GFRA1: variants seen among roughly 807,000 people sequenced by gnomAD.
GFRA1 encodes the protein GDNF family receptor alpha 1.
GFRA1 carries 16 observed loss-of-function variants against 51.6 expected under a neutral mutation model. That is an observed-to-expected ratio of 0.31 (90% CI 0.21 to 0.47). The LOEUF is 0.47. Ranked by LOEUF, GFRA1 falls within the 20% of genes least tolerant of loss-of-function variation. GFRA1 has a pLI of 1.00. For synonymous variants in GFRA1, 270 were observed against 241.3 expected (o/e 1.12, Z -1.10); for missense variants, 530 against 594.3 (o/e 0.89, Z 1.13).
chr10:116,193,433 CCA>C (rs2134334939), intron 5 of GFRA1, among the ~76,000 whole-genome samples: 1 of 152,202 alleles, frequency 6.6e-6, no homozygotes, highest in African/African-American at 2.4e-5. Flanking sequence ...GTGAACAAAA[CCA>C]CACTTTGGGA....
At chr10:116,172,227 C>T (rs1191215564) in intron 5 of GFRA1, among the ~76,000 whole-genome samples, 3 of 152,048 alleles carry the variant, frequency 2.0e-5, no homozygotes, top group East Asian at 3.9e-4. Context: ...TCTGCTGTGC[C>T]GTTTGCTCAC....
At chr10:116,253,725 AT>A (rs544301355) in intron 4 of GFRA1, among the ~76,000 whole-genome samples, 6 of 151,988 alleles carry the variant, frequency 3.9e-5, no homozygotes, top group African/African-American at 2.4e-5. Context: ...AAAGCATGTA[AT>A]TTTTTTTCTG....
intron 5 of GFRA1, among the ~76,000 whole-genome samples, chr10:116,199,985 T>G (rs973836861): frequency 1.3e-5 from 2 of 152,260 alleles, no homozygotes; most frequent in Admixed American, 1.3e-4. Flanking sequence ...TGCCCTCTTT[T>G]GCGAAGGACT....
intron 5 of GFRA1, among the ~76,000 whole-genome samples, chr10:116,181,879 G>A (rs1962262411): frequency 1.3e-5 from 2 of 152,140 alleles, no homozygotes; most frequent in Admixed American, 1.3e-4. Flanking sequence ...TCCTGACCTC[G>A]TGATCCACCC....
chr10:116,203,864 C>T (rs2694760), intron 5 of GFRA1, among the ~76,000 whole-genome samples: 4,048 of 152,310 alleles, frequency 0.027, 135 homozygotes, highest in African/African-American at 0.077. Context: ...GGCTTGCCTA[C>T]GCTATGGGAA....
At chr10:116,144,207 TAG>T (rs1958695924) in intron 5 of GFRA1, among the ~76,000 whole-genome samples, 1 of 152,184 alleles carries the variant, frequency 6.6e-6, no homozygotes, top group Non-Finnish European at 1.5e-5. Context: ...ATTAATGAGA[TAG>T]AGATATATTT....
chr10:116,074,616 GCAAAGGGGCA>G (rs1206761033), intron 9 of GFRA1, among the ~76,000 whole-genome samples: 1 of 152,222 alleles, frequency 6.6e-6, no homozygotes, highest in Non-Finnish European at 1.5e-5. Context: ...GGTCCCTGCA[GCAAAGGGGCA>G]GGCAGGGGAC....
At chr10:116,267,435 C>T (rs1969749173) in intron 4 of GFRA1, among the ~76,000 whole-genome samples, 1 of 152,136 alleles carries the variant, frequency 6.6e-6, no homozygotes, top group Non-Finnish European at 1.5e-5. Flanking sequence ...CACTGCACTC[C>T]AGCCTGGGCC....
At chr10:116,249,937 G>A (rs570788101) in intron 4 of GFRA1, among the ~76,000 whole-genome samples, 9 of 152,180 alleles carry the variant, frequency 5.9e-5, no homozygotes, top group Non-Finnish European at 7.3e-5. Context: ...AAGAATGAAC[G>A]AGGAGGGAGT....
At chr10:116,121,977 C>A (rs1469091308) in intron 6 of GFRA1, among the ~76,000 whole-genome samples, 2 of 152,186 alleles carry the variant, frequency 1.3e-5, no homozygotes, top group Admixed American at 6.5e-5. Flanking sequence ...GCCAACCTAG[C>A]AGCTCAAATT....
chr10:116,271,217 C>A, intron 2 of GFRA1, 102 bp from the exon 3 acceptor site: 1 of 919,968 alleles, frequency 1.1e-6, no homozygotes, highest in South Asian at 1.7e-5. Context: ...GCTTGACCAG[C>A]CTTCGGGGGC....
chr10:116,207,173 A>G (rs1052270613), intron 5 of GFRA1, among the ~76,000 whole-genome samples: 1 of 152,122 alleles, frequency 6.6e-6, no homozygotes, highest in African/African-American at 2.4e-5. Context: ...CTCTCATTTT[A>G]CAGATGAGGA....
intron 2 of GFRA1, among the ~76,000 whole-genome samples, chr10:116,271,423 G>A (rs1359568111): frequency 6.6e-6 from 1 of 152,006 alleles, no homozygotes. Context: ...GGGGCATCCT[G>A]GCCTGAGCAA....
intron 5 of GFRA1, among the ~76,000 whole-genome samples, chr10:116,155,808 G>C (rs1026139054): frequency 3.9e-5 from 6 of 152,158 alleles, no homozygotes; most frequent in African/African-American, 1.4e-4. Context: ...CACAGGCAGT[G>C]CCAGAGACAT....
chr10:116,255,752 C>G, intron 4 of GFRA1: 1 of 1,288,444 alleles, frequency 7.8e-7, no homozygotes, highest in Non-Finnish European at 1.0e-6. Flanking sequence ...TGGCATTGCA[C>G]TCTGCACTTT....
intron 5 of GFRA1, among the ~76,000 whole-genome samples, chr10:116,197,839 C>T (rs576188246): frequency 1.3e-5 from 2 of 152,110 alleles, no homozygotes; most frequent in Non-Finnish European, 2.9e-5. Flanking sequence ...CAGCTACAGG[C>T]GGATTATTCC....
chr10:116,101,258 A>G (rs1286926448), intron 6 of GFRA1, among the ~76,000 whole-genome samples: 3 of 152,242 alleles, frequency 2.0e-5, no homozygotes, highest in Non-Finnish European at 4.4e-5. Context: ...AATGTCCAGT[A>G]TGGGATTAAC....
chr10:116,231,187 G>A (rs1966656452), intron 4 of GFRA1, among the ~76,000 whole-genome samples: 1 of 152,156 alleles, frequency 6.6e-6, no homozygotes, highest in Admixed American at 6.5e-5. Context: ...ATTGGCAGGG[G>A]CAGATGGGTC....
Position 116,063,192 on chromosome 10 carries a change from G to A in GFRA1, c.*1206C>T, listed in dbSNP as rs1954907014. 1 of 152,220 alleles carries A rather than the reference G, an allele frequency of 6.6e-6. No individual in the cohort carries two copies. The allele number at this position is 152,220 out of a possible 1,614,324, so 9.4% of individuals were successfully genotyped here. A position where few individuals can be genotyped will look rare whatever the true frequency, so the allele number is the denominator to read the frequency against. ...TTTGTCAGATAACCTGAAAACCAAG[G>A]TACTGGATTGTGTCATGACAAGTGT... is the stretch of plus-strand genomic sequence containing the variant. On this transcript the variant is annotated 3_prime_UTR_variant, in exon 11 of 11. Coordinates refer to ENST00000355422, the MANE Select transcript of GFRA1 (RefSeq NM_005264.8).
Sources: gnomAD v4.1 joint callset for allele counts (sites outside exome capture counted in the v4.1 genomes callset) on GRCh38, gnomAD v4.1.1 for gene constraint, MANE v1.5 for transcripts, NCBI Gene and HGNC (gene_info 2026-07-23, HGNC 2026-07-21) for gene names.